Variants in SYT17 observed in about 807,000 individuals in gnomAD.
SYT17 encodes the protein synaptotagmin-17.
Under a neutral mutation model 46.7 loss-of-function variants are expected in SYT17, and 22 were observed. The observed-to-expected ratio is 0.47, with a 90% confidence interval of 0.34 to 0.67. The LOEUF (loss-of-function observed/expected upper bound fraction) is 0.67. Among genes scored for constraint, SYT17 ranks in the 30% least tolerant of loss-of-function variants. SYT17 has a pLI of 0.01. For synonymous variants in SYT17, 251 were observed against 248.4 expected, an observed-to-expected ratio of 1.01 and a Z score of -0.10; for missense variants, 519 against 612.8, an observed-to-expected ratio of 0.85 and a Z score of 1.62.
chr16:19,206,427 TG>T (rs1384190433), intron 5 of SYT17, among the ~76,000 whole-genome samples: 5 of 152,286 alleles, frequency 3.3e-5, no homozygotes, highest in Admixed American at 2.6e-4. Context: ...TCAGTGTATG[TG>T]GGAGAGCTGG....
intron 5 of SYT17, among the ~76,000 whole-genome samples, chr16:19,203,336 C>CAA (rs3038782): frequency 0.56 from 80,786 of 145,412 alleles, 22,790 homozygotes; most frequent in Middle Eastern, 0.63. Flanking sequence ...ACTAACAATA[C>CAA]AAAAAAAAAA....
intron 5 of SYT17, among the ~76,000 whole-genome samples, chr16:19,209,247 A>T (rs1359959684): frequency 6.6e-6 from 1 of 152,162 alleles, no homozygotes; most frequent in African/African-American, 2.4e-5. Flanking sequence ...GGAGGGAAAT[A>T]ATTCAACCCA....
At chr16:19,257,765 C>T (rs1019644817) in intron 7 of SYT17, among the ~76,000 whole-genome samples, 1 of 152,046 alleles carries the variant, frequency 6.6e-6, no homozygotes, top group Non-Finnish European at 1.5e-5. Context: ...AGAGGTAGAT[C>T]GCCGGGTACA....
intron 3 of SYT17, among the ~76,000 whole-genome samples, chr16:19,175,520 T>C (rs1964278756): frequency 6.6e-6 from 1 of 151,832 alleles, no homozygotes; most frequent in Non-Finnish European, 1.5e-5. Context: ...CTGGGCACGT[T>C]GGTGCCTAGA....
chr16:19,185,595 C>T (rs1006121072), intron 5 of SYT17, among the ~76,000 whole-genome samples: 2 of 149,698 alleles, frequency 1.3e-5, no homozygotes, highest in African/African-American at 4.9e-5. Flanking sequence ...AGAGTGAGAC[C>T]CTGTCTCTTT....
intron 5 of SYT17, among the ~76,000 whole-genome samples, chr16:19,222,530 C>CAAAT (rs113801861): frequency 2.6e-5 from 4 of 151,688 alleles, no homozygotes; most frequent in African/African-American, 9.7e-5. Flanking sequence ...ATTTCTCACT[C>CAAAT]AGTTCCTCTG....
intron 7 of SYT17, among the ~76,000 whole-genome samples, chr16:19,232,068 C>T: frequency 6.6e-6 from 1 of 152,064 alleles, no homozygotes; most frequent in East Asian, 1.9e-4. Context: ...GGGCTCCCGC[C>T]CCGGAAGAGA....
chr16:19,241,096 C>T (rs950219812), intron 7 of SYT17, among the ~76,000 whole-genome samples: 4 of 151,318 alleles, frequency 2.6e-5, no homozygotes, highest in Admixed American at 2.0e-4. Context: ...TACAGGCGCC[C>T]GCCACTACGC....
chr16:19,207,667 A>G (rs981920282), intron 5 of SYT17, among the ~76,000 whole-genome samples: 4 of 152,160 alleles, frequency 2.6e-5, no homozygotes, highest in Admixed American at 6.5e-5. Context: ...ATTGGGGGAA[A>G]GTTATGTAAG....
rs768830132 is a variant in SYT17, at chr16:19,222,350, C to G, written c.952-695C>G. ...GGGAGGCCTCCTGTTTTCTAGGTAC[C>G]TTTGGCAGTATGGAGTCATGCACTT... On this transcript the variant is annotated intron_variant, in intron 5 of 7. Coordinates refer to ENST00000355377, the MANE Select transcript of SYT17 (RefSeq NM_016524.4). Among the ~76,000 whole-genome samples, 4 of 151,770 alleles carry G rather than the reference C, an allele frequency of 2.6e-5. No individual in the cohort carries two copies. The South Asian group carries it at 6.2e-4, about 24-fold the overall frequency.
chr16:19,198,445 TACTC>T, intron 5 of SYT17, among the ~76,000 whole-genome samples: 1 of 152,318 alleles, frequency 6.6e-6, no homozygotes, highest in South Asian at 2.1e-4. Context: ...CTTGGGTAAT[TACTC>T]AATGTCATTG....
chr16:19,243,273 T>C lies in SYT17; in HGVS notation c.1228+18435T>C, dbSNP rs143431397. ...AGGCTCTTTGGGGCCTGTTGTTCAC[T>C]TTCTTGAGGATCTTGAGTGACTGGT... On this transcript the variant is annotated intron_variant, in intron 7 of 7. Transcript: ENST00000355377. Among the ~76,000 whole-genome samples, 1,486 of 152,292 alleles carry C rather than the reference T, an allele frequency of 9.8e-3. 28 individuals carry two copies. Among genetic ancestry groups the C allele is most frequent in the African/African-American group, 0.034 (1,395 of 41,570 alleles).
chr16:19,205,762 G>C (rs930560573), intron 5 of SYT17, among the ~76,000 whole-genome samples: 7 of 152,222 alleles, frequency 4.6e-5, no homozygotes, highest in African/African-American at 1.7e-4. Context: ...GATTATGGGC[G>C]TGAGCCACTG....
At chr16:19,211,744 G>T (rs1965911210) in intron 5 of SYT17, among the ~76,000 whole-genome samples, 2 of 151,946 alleles carry the variant, frequency 1.3e-5, no homozygotes, top group African/African-American at 4.8e-5. Flanking sequence ...CCCTGCCTCA[G>T]CCTCCCAAGT....
intron 4 of SYT17, 74 bp downstream of exon 4, chr16:19,180,613 A>G (rs1037826935): frequency 6.3e-7 from 1 of 1,575,470 alleles, no homozygotes; most frequent in African/African-American, 1.3e-5. Context: ...AGAGTCATGA[A>G]GGGCAGTGTT....
intron 5 of SYT17, among the ~76,000 whole-genome samples, chr16:19,203,622 G>A (rs1224200988): frequency 7.1e-4 from 108 of 152,334 alleles, no homozygotes; most frequent in South Asian, 8.3e-4. Flanking sequence ...TGAAGGGCTC[G>A]CAGTCTAGGC....
At chr16:19,209,211 G>C (rs1385460638) in intron 5 of SYT17, among the ~76,000 whole-genome samples, 1 of 151,904 alleles carries the variant, frequency 6.6e-6, no homozygotes, top group Non-Finnish European at 1.5e-5. Context: ...AGATCCTGGG[G>C]GTTGGAAATT....
At chr16:19,247,362 A>G (rs1457775308) in intron 7 of SYT17, among the ~76,000 whole-genome samples, 2 of 152,222 alleles carry the variant, frequency 1.3e-5, no homozygotes, top group African/African-American at 4.8e-5. Flanking sequence ...TGTGACCTAA[A>G]TCCTAGCAGT....
At chr16:19,198,173 G>C (rs966322912) in intron 5 of SYT17, among the ~76,000 whole-genome samples, 1 of 152,184 alleles carries the variant, frequency 6.6e-6, no homozygotes, top group Non-Finnish European at 1.5e-5. Context: ...ACCAGCTATT[G>C]TATATGAAAT....
Sources: gnomAD v4.1 joint callset for allele counts (sites outside exome capture counted in the v4.1 genomes callset) on GRCh38, gnomAD v4.1.1 for gene constraint, MANE v1.5 for transcripts, NCBI Gene and HGNC (gene_info 2026-07-23, HGNC 2026-07-21) for gene names.